Variants in CDKN2B-AS1 observed in about 807,000 individuals in gnomAD.
The protein encoded by CDKN2B-AS1 is CDKN2B antisense RNA 1 (non-protein coding).
intron 3 of CDKN2B-AS1, among the ~76,000 whole-genome samples, chr9:22,049,890 AAT>A (rs201430041): frequency 1.8e-5 from 2 of 110,774 alleles, no homozygotes; most frequent in African/African-American, 2.9e-5. Context: ...TTTTTCCTTA[AAT>A]ATTTTTTTTC....
At chr9:22,076,596 C>T (rs1328793574) in intron 4 of CDKN2B-AS1, among the ~76,000 whole-genome samples, 1 of 152,144 alleles carries the variant, frequency 6.6e-6, no homozygotes, top group East Asian at 1.9e-4. Context: ...CACATAGTTA[C>T]CTGCTTCCCT....
chr9:22,126,915 G>T (rs188884756), intron 4 of CDKN2B-AS1, among the ~76,000 whole-genome samples: 1 of 152,172 alleles, frequency 6.6e-6, no homozygotes, highest in East Asian at 1.9e-4. Flanking sequence ...GTGGGGAGGT[G>T]TCATAAGCTT....
chr9:22,035,151 CT>C (rs977280946), intron 1 of CDKN2B-AS1, among the ~76,000 whole-genome samples: 105 of 148,444 alleles, frequency 7.1e-4, no homozygotes, highest in East Asian at 1.4e-3. Flanking sequence ...AAACATTTAT[CT>C]TTTTTTTTTA....
intron 4 of CDKN2B-AS1, among the ~76,000 whole-genome samples, chr9:22,115,769 G>C (rs542557979): frequency 1.3e-5 from 2 of 152,122 alleles, no homozygotes; most frequent in East Asian, 3.9e-4. Context: ...GGGTAAACAG[G>C]GCATATTGTG....
chr9:22,045,038 T>TGTGTGTGTGTGTG (rs58026190), intron 1 of CDKN2B-AS1, among the ~76,000 whole-genome samples: 18 of 141,956 alleles, frequency 1.3e-4, no homozygotes, highest in African/African-American at 4.6e-4. Context: ...TATTATTTAT[T>TGTGTGTGTGTGTG]TGTGTGTGTG....
rs150223365 is a variant in CDKN2B-AS1, at chr9:22,065,120, G to A, written n.438+8733G>A. Among the ~76,000 whole-genome samples, 835 of 152,282 alleles carry A rather than the reference G, an allele frequency of 5.5e-3. 9 individuals are homozygous for A. Among genetic ancestry groups the A allele is most frequent in the East Asian group, 0.02 (101 of 5,176 alleles). On this transcript the variant is annotated intron_variant and non_coding_transcript_variant, in intron 4 of 4. Coordinates refer to ENST00000650946, the Ensembl canonical transcript of CDKN2B-AS1. ...GGCACCTGGGCTGATTCTCTCTAGT[G>A]ATTATGTAGTTTTGATGTGGACTGG...
intron 1 of CDKN2B-AS1, among the ~76,000 whole-genome samples, chr9:22,031,879 A>G (rs1488884323): frequency 6.6e-6 from 1 of 152,216 alleles, no homozygotes; most frequent in Non-Finnish European, 1.5e-5. Context: ...TTGATGAAGC[A>G]GGCTGCCACA....
rs1207488358 is a variant in CDKN2B-AS1, at chr9:21,999,451, CACAT to C, written n.29+4292_29+4295del. On this transcript the variant is annotated intron_variant and non_coding_transcript_variant, in intron 1 of 4. Transcript: ENST00000650946. This position sits in a 1 kb window ranked among gnomAD's most constrained non-coding sequence, Gnocchi z 4.7. The stretch of plus-strand genomic sequence containing the variant: ...ATATCTTTATATACACATATGTACA[CACAT>C]ATCTGTAAGTATGGGAAGATGTATA... Among the ~76,000 whole-genome samples the C allele has an allele frequency of 6.6e-6, 1 of 151,676 alleles. No homozygotes were observed. Among genetic ancestry groups the C allele is most frequent in the African/African-American group, 2.4e-5 (1 of 41,262 alleles).
intron 1 of CDKN2B-AS1, among the ~76,000 whole-genome samples, chr9:22,017,910 T>C (rs1415544002): frequency 6.6e-6 from 1 of 151,956 alleles, no homozygotes; most frequent in Admixed American, 6.5e-5. Flanking sequence ...GTGAAATTTG[T>C]GTATCCAGAC....
chr9:22,006,323 G>A lies in CDKN2B-AS1; in HGVS notation n.29+11162G>A. The A allele has an allele frequency of 6.3e-7, 1 of 1,583,126 alleles. No homozygotes were observed. Among genetic ancestry groups the A allele is most frequent in the African/African-American group, 1.3e-5 (1 of 74,658 alleles). Reference sequence around the variant, plus strand: ...GATGCCGGCCGGGGCAAGGCAGGTGGAGCCATTTAAAGAAACACCTAATTG... The same window carrying A: ...GATGCCGGCCGGGGCAAGGCAGGTGAAGCCATTTAAAGAAACACCTAATTG... On this transcript the variant is annotated intron_variant and non_coding_transcript_variant, in intron 1 of 4. Coordinates refer to ENST00000650946, the Ensembl canonical transcript of CDKN2B-AS1. The surrounding 1 kb of genome is among the most constrained non-coding windows in gnomAD (Gnocchi z 6.4).
intron 4 of CDKN2B-AS1, among the ~76,000 whole-genome samples, chr9:22,102,536 C>T (rs567197225): frequency 3.3e-5 from 5 of 152,130 alleles, no homozygotes; most frequent in East Asian, 3.9e-4. Context: ...TGTTCCTTGC[C>T]TCTTCCACCT....
chr9:22,007,726 GA>G (rs1032237058), intron 1 of CDKN2B-AS1, among the ~76,000 whole-genome samples: 1 of 151,886 alleles, frequency 6.6e-6, no homozygotes, highest in African/African-American at 2.4e-5. Flanking sequence ...ATTTTACATA[GA>G]AAAAAAGGGG....
intron 1 of CDKN2B-AS1, among the ~76,000 whole-genome samples, chr9:22,026,226 C>A (rs73444381): frequency 0.054 from 8,172 of 152,142 alleles, 718 homozygotes; most frequent in African/African-American, 0.18. Flanking sequence ...GCAAAGATGG[C>A]AGCCTGCCCC....
intron 4 of CDKN2B-AS1, among the ~76,000 whole-genome samples, chr9:22,059,231 T>C (rs1421810139): frequency 6.6e-6 from 1 of 152,182 alleles, no homozygotes; most frequent in African/African-American, 2.4e-5. Flanking sequence ...ACAAGGGTAG[T>C]CCCTTCTGCC....
At chr9:22,074,733 G>T (rs1269735257) in intron 4 of CDKN2B-AS1, among the ~76,000 whole-genome samples, 1 of 152,132 alleles carries the variant, frequency 6.6e-6, no homozygotes, top group Non-Finnish European at 1.5e-5. Flanking sequence ...CCTCTCCTGG[G>T]CACTGATTCC....
chr9:22,073,532 G>T (rs1292580339), intron 4 of CDKN2B-AS1, among the ~76,000 whole-genome samples: 1 of 152,132 alleles, frequency 6.6e-6, no homozygotes, highest in African/African-American at 2.4e-5. Context: ...GAATATATGG[G>T]TGTAATTTTC....
At chr9:22,037,537 T>A (rs1393144923) in intron 1 of CDKN2B-AS1, among the ~76,000 whole-genome samples, 1 of 152,110 alleles carries the variant, frequency 6.6e-6, no homozygotes, top group East Asian at 1.9e-4. Context: ...TCCTCTTACT[T>A]CTGGAAACAG....
intron 4 of CDKN2B-AS1, among the ~76,000 whole-genome samples, chr9:22,085,193 GA>G (rs1237828727): frequency 6.6e-6 from 1 of 152,132 alleles, no homozygotes; most frequent in Admixed American, 6.5e-5. Flanking sequence ...TGATCAAGGA[GA>G]AAAAAGTTTA....
At chr9:22,008,779 G>A (rs752167737) in intron 1 of CDKN2B-AS1, 2 of 1,607,682 alleles carry the variant, frequency 1.2e-6, no homozygotes, top group South Asian at 1.1e-5. Flanking sequence ...TGCCGGCGAG[G>A]CCCTGGGGCC....
Sources: gnomAD v4.1 joint callset for allele counts (sites outside exome capture counted in the v4.1 genomes callset) on GRCh38, gnomAD v4.1.1 for gene constraint, Gnocchi (gnomAD v3.1) non-coding constraint, MANE v1.5 for transcripts, NCBI Gene and HGNC (gene_info 2026-07-23, HGNC 2026-07-21) for gene names.